Variants in DCHS2 observed in about 807,000 individuals in gnomAD.
The protein encoded by DCHS2 is dachsous cadherin-related 2.
DCHS2 carries 142 observed loss-of-function variants against 182.4 expected under a neutral mutation model. The ratio of observed to expected loss-of-function variants is 0.78; its 90% confidence interval spans 0.68 to 0.89. DCHS2 has a LOEUF of 0.89. Ranked by LOEUF, DCHS2 falls within the 40% of genes least tolerant of loss-of-function variation. DCHS2 has a pLI of 0.00. For synonymous variants in DCHS2, 1,740 were observed against 1,663.3 expected (o/e 1.05, Z -1.12); for missense variants, 4,319 against 4,198.6 (o/e 1.03, Z -0.79).
At chr4:154,407,874 T>C (rs1732464765) in intron 1 of DCHS2, among the ~76,000 whole-genome samples, 1 of 152,206 alleles carries the variant, frequency 6.6e-6, no homozygotes, top group Non-Finnish European at 1.5e-5. Flanking sequence ...TTCCCTTTAC[T>C]AAATCCTGCA....
intron 3 of DCHS2, chr4:154,354,684 A>C (rs1486414695): frequency 6.6e-6 from 1 of 152,194 alleles, no homozygotes; most frequent in Admixed American, 6.5e-5. Flanking sequence ...AAATATCTTC[A>C]TATCATTCCT....
At position 154,322,411 on chromosome 4, in the gene DCHS2, T is replaced by G; in HGVS notation, c.4096A>C (p.Arg1366=). Residue 1366 remains arginine, a synonymous_variant, in exon 8 of 20, where the codon AGA becomes CGA. Coordinates refer to ENST00000357232, the MANE Select transcript of DCHS2 (RefSeq NM_001358235.2). ...ATGACACTCATTCTGTAGGAAGGTC[T>G]ATAATCATACGAAAGTATTGTGGTT... ...RTTTILSYDY[R]PSYRMSVIAT... The G allele has an allele frequency of 6.2e-7, 1 of 1,613,824 alleles. No individual in the cohort carries two copies. The highest frequency in any genetic ancestry group is 8.5e-7 in the Non-Finnish European group (1 of 1,179,838).
intron 14 of DCHS2, among the ~76,000 whole-genome samples, chr4:154,262,553 G>C (rs1300643766): frequency 6.6e-6 from 1 of 152,042 alleles, no homozygotes; most frequent in African/African-American, 2.4e-5. Context: ...AGAAAAAAAT[G>C]GTAGTAACAT....
intron 1 of DCHS2, among the ~76,000 whole-genome samples, chr4:154,418,451 C>T (rs570054860): frequency 3.9e-5 from 6 of 152,172 alleles, no homozygotes; most frequent in Non-Finnish European, 8.8e-5. Flanking sequence ...TTTCCTCTTC[C>T]ACCATTTAGA....
intron 15 of DCHS2, among the ~76,000 whole-genome samples, chr4:154,257,032 G>T (rs530048940): frequency 6.6e-6 from 1 of 152,254 alleles, no homozygotes; most frequent in South Asian, 2.1e-4. Flanking sequence ...GGTGGATTAC[G>T]AGGTTAAGAG....
Position 154,236,071 on chromosome 4 carries a change from T to C in DCHS2, c.8581A>G (p.Thr2861Ala), listed in dbSNP as rs2111083931. 2 of 1,613,778 alleles carry C rather than the reference T, an allele frequency of 1.2e-6. No homozygotes were observed. Among genetic ancestry groups the C allele is most frequent in the Non-Finnish European group, 1.7e-6 (2 of 1,179,944 alleles). The change falls in exon 20 of 20, where the codon ACT (threonine) becomes GCT (alanine). Residue 2861 changes from threonine (T) to alanine (A), a missense_variant. Physicochemically the swap from Thr to Ala is moderately conservative, Grantham distance 58. Transcript: ENST00000357232. ...TVQAKDKGDATASLVVWVDIE... is the reference protein window; with the variant it reads ...TVQAKDKGDAAASLVVWVDIE... ...TCCACCCAGACCACTAAGGAGGCAG[T>C]TGCATCACCTTTGTCTTTGGCTTGG...
At chr4:154,479,463 TA>T (rs907560957) in intron 1 of DCHS2, among the ~76,000 whole-genome samples, 7 of 151,934 alleles carry the variant, frequency 4.6e-5, no homozygotes, top group African/African-American at 1.2e-4. Context: ...TTTCTCATTT[TA>T]AAAAAAAGTT....
At chr4:154,291,659 C>G (rs949429455) in intron 13 of DCHS2, among the ~76,000 whole-genome samples, 12 of 152,104 alleles carry the variant, frequency 7.9e-5, no homozygotes, top group African/African-American at 2.9e-4. Context: ...ATGGATGGAA[C>G]TGGAGGTCAT....
intron 1 of DCHS2, among the ~76,000 whole-genome samples, chr4:154,414,196 T>TAGAG (rs1187277273): frequency 0.019 from 2,789 of 145,740 alleles, 88 homozygotes; most frequent in African/African-American, 0.065. Context: ...TATATATATA[T>TAGAG]AGAGAGAGAG....
chr4:154,283,565 T>A (rs528406993), intron 13 of DCHS2, among the ~76,000 whole-genome samples: 52 of 152,160 alleles, frequency 3.4e-4, no homozygotes, highest in Non-Finnish European at 6.3e-4. Context: ...GATTATAGAT[T>A]TTAATGAGGC....
chr4:154,252,213 T>G, intron 16 of DCHS2, among the ~76,000 whole-genome samples: 1 of 152,212 alleles, frequency 6.6e-6, no homozygotes, highest in East Asian at 1.9e-4. Context: ...TATACATTTA[T>G]GGGTTACATG....
At chr4:154,450,891 G>T (rs944706936) in intron 1 of DCHS2, among the ~76,000 whole-genome samples, 3 of 152,134 alleles carry the variant, frequency 2.0e-5, no homozygotes, top group Non-Finnish European at 2.9e-5. Context: ...GGGGTCCAGT[G>T]GTGTGGGGCA....
chr4:154,306,450 C>G (rs910760399), intron 10 of DCHS2, among the ~76,000 whole-genome samples: 3 of 151,956 alleles, frequency 2.0e-5, no homozygotes, highest in African/African-American at 7.2e-5. Flanking sequence ...GACAGAATTT[C>G]TTAAAGTTCC....
At chr4:154,256,037 G>A (rs1442201290) in intron 15 of DCHS2, among the ~76,000 whole-genome samples, 1 of 152,126 alleles carries the variant, frequency 6.6e-6, no homozygotes, top group Non-Finnish European at 1.5e-5. Flanking sequence ...AATGTTATGG[G>A]AAATCTCCAC....
chr4:154,248,813 C>T lies in DCHS2; in HGVS notation c.6942-6041G>A, dbSNP rs143256978. On this transcript the variant is annotated intron_variant, in intron 16 of 19. Transcript: ENST00000357232. ...TACAACCATTCAATCTTTGACAAAG[C>T]CAGCAAAAACAAGCAATGAGGAAAG... Among the ~76,000 whole-genome samples the T allele has an allele frequency of 6.5e-3, 989 of 152,162 alleles. 9 individuals are homozygous for T. The highest frequency in any genetic ancestry group is 0.02 in the Middle Eastern group (6 of 294).
chr4:154,405,675 CT>C (rs767098857), intron 1 of DCHS2, among the ~76,000 whole-genome samples: 1 of 152,006 alleles, frequency 6.6e-6, no homozygotes, highest in Non-Finnish European at 1.5e-5. Flanking sequence ...TTTTTATTTT[CT>C]ACTGTCATTC....
chr4:154,399,608 G>A (rs182294250), intron 1 of DCHS2, among the ~76,000 whole-genome samples: 1 of 152,304 alleles, frequency 6.6e-6, no homozygotes, highest in East Asian at 1.9e-4. Context: ...TCACTTGCAA[G>A]TGAACATCAT....
At position 154,377,431 on chromosome 4, in the gene DCHS2, T is replaced by A; in HGVS notation, c.2066A>T (p.Asp689Val). Residue 689 changes from aspartate to valine, a missense_variant, in exon 2 of 20, where the codon GAT becomes GTT. Asp to Val is a radical substitution (Grantham distance 152, BLOSUM62 -3). Coordinates refer to ENST00000357232, the MANE Select transcript of DCHS2 (RefSeq NM_001358235.2). ...AAAGCCATAGAGTCCTGAATCTGCA[T>A]CAGAGGCTGTCACCTGTGAGACAGG... The part of the protein sequence containing the change: ...GHCFLQVTAS[D>V]ADSGLYGFIE... The A allele has an allele frequency of 6.2e-7, 1 of 1,611,822 alleles. No individual in the cohort carries two copies. The highest frequency in any genetic ancestry group is 8.5e-7 in the Non-Finnish European group (1 of 1,178,686).
At chr4:154,255,121 G>A (rs767924369) in intron 16 of DCHS2, among the ~76,000 whole-genome samples, 1 of 152,066 alleles carries the variant, frequency 6.6e-6, no homozygotes, top group Non-Finnish European at 1.5e-5. Flanking sequence ...CAAGAATAAA[G>A]AATCAAAAAG....
Sources: gnomAD v4.1 joint callset for allele counts (sites outside exome capture counted in the v4.1 genomes callset) on GRCh38, gnomAD v4.1.1 for gene constraint, MANE v1.5 for transcripts, NCBI Gene and HGNC (gene_info 2026-07-23, HGNC 2026-07-21) for gene names.